Variants in PCDHA6 observed in about 807,000 individuals in gnomAD.
PCDHA6 encodes protocadherin alpha-6.
PCDHA6 carries 55 observed loss-of-function variants against 60.3 expected under a neutral mutation model. The observed-to-expected ratio is 0.91, with a 90% CI of 0.73 to 1.14. The LOEUF (loss-of-function observed/expected upper bound fraction) is 1.14, where lower values mean the gene tolerates loss of function less well. Among genes scored for constraint, PCDHA6 ranks in the 50% most tolerant of loss-of-function variants. The pLI, the probability that PCDHA6 is intolerant of heterozygous loss-of-function variation, is 0.00. For missense variants in PCDHA6, 1,327 were observed against 1,256.5 expected (o/e 1.06, Z -0.85); for synonymous variants, 652 against 557.9 (o/e 1.17, Z -2.38).
At chr5:140,962,786 A>G (rs1377248587) in intron 1 of PCDHA6, among the ~76,000 whole-genome samples, 6 of 152,216 alleles carry the variant, frequency 3.9e-5, no homozygotes, top group African/African-American at 1.4e-4. Context: ...ATTTTTAAAA[A>G]CTACTTTGGA....
rs146340581 is a variant in PCDHA6, at chr5:140,957,263, C to T, written c.2395-21686C>T. On this transcript the variant is annotated intron_variant, in intron 1 of 3. Transcript: ENST00000529310. ...TCTACCTAAAATTTAAATATGTAAG[C>T]ACTAGTCCCCCCTTACCTGCAGTTT... Among the ~76,000 whole-genome samples, 73 of 152,260 alleles carry T rather than the reference C, an allele frequency of 4.8e-4. No homozygotes were observed. In the East Asian group the frequency reaches 0.01, roughly 22 times the overall value.
At chr5:140,972,917 C>T (rs1279060017) in intron 1 of PCDHA6, among the ~76,000 whole-genome samples, 1 of 152,074 alleles carries the variant, frequency 6.6e-6, no homozygotes, top group Non-Finnish European at 1.5e-5. Context: ...CCGCCTTGGC[C>T]TCCCAAAGTG....
intron 2 of PCDHA6, chr5:140,982,263 C>A: frequency 1.2e-6 from 1 of 858,968 alleles, no homozygotes; most frequent in Non-Finnish European, 1.7e-6. Flanking sequence ...ATGTGTGTTC[C>A]TGGAATAGTA....
intron 1 of PCDHA6, among the ~76,000 whole-genome samples, chr5:140,932,779 G>T (rs556279743): frequency 3.9e-5 from 6 of 151,910 alleles, no homozygotes; most frequent in Non-Finnish European, 8.9e-5. Context: ...TAATTTGAGT[G>T]GACATAAGAG....
Position 141,009,639 on chromosome 5 carries a change from G to A in PCDHA6, c.2555G>A (p.Gly852Glu). The stretch of plus-strand genomic sequence containing the variant: ...TTTTGTCTTTCAGAACCAGAGGCAG[G>A]AGAAGTGTCCCCTCCAGTCGGTGCG... ...VSSATPEPEA[G>E]EVSPPVGAGV... The change falls in exon 4 of 4, where the codon GGA becomes GAA. Residue 852 changes from glycine to glutamate, a missense_variant. Transcript: ENST00000529310. The A allele has an allele frequency of 6.2e-7, 1 of 1,613,406 alleles. No individual in the cohort carries two copies. The highest frequency in any genetic ancestry group is 8.5e-7 in the Non-Finnish European group (1 of 1,179,594).
intron 3 of PCDHA6, among the ~76,000 whole-genome samples, chr5:140,996,580 C>T (rs1351485354): frequency 6.6e-6 from 1 of 152,130 alleles, no homozygotes; most frequent in African/African-American, 2.4e-5. Context: ...AATTTGTTAA[C>T]AAGGGCCGCC....
At chr5:140,869,531 C>A (rs782191099) in intron 1 of PCDHA6, 11 of 1,614,032 alleles carry the variant, frequency 6.8e-6, no homozygotes, top group African/African-American at 2.7e-5. Flanking sequence ...CTGCTGATTG[C>A]GGAATCTAAG....
At chr5:140,842,644 G>C in intron 1 of PCDHA6, 1 of 1,595,462 alleles carries the variant, frequency 6.3e-7, no homozygotes, top group African/African-American at 1.3e-5. Context: ...CCGCCAGCTT[G>C]TCTGTGGAGG....
chr5:141,009,772 C>T lies in PCDHA6; in HGVS notation c.2688C>T (p.Ile896=). The T allele has an allele frequency of 1.9e-6, 3 of 1,614,158 alleles. No individual in the cohort carries two copies. Among genetic ancestry groups the T allele is most frequent in the Non-Finnish European group, 2.5e-6 (3 of 1,180,032 alleles). The stretch of plus-strand genomic sequence containing the variant: ...TCATTATCCCAGGATCTCCTGCAAT[C>T]ATCTCCATCCGGCAGGAGCCTACTA... ...DKFIIPGSPA[I]ISIRQEPTNS... Residue 896 remains isoleucine (I), a synonymous_variant, in exon 4 of 4, where the codon ATC becomes ATT. Coordinates refer to ENST00000529310, the MANE Select transcript of PCDHA6 (RefSeq NM_018909.4).
chr5:140,928,007 ATGG>A (rs1183344805), intron 1 of PCDHA6: 2 of 1,613,998 alleles, frequency 1.2e-6, no homozygotes, highest in Non-Finnish European at 1.7e-6. Context: ...CTCGATTCTA[ATGG>A]TAGGGTCATT....
intron 1 of PCDHA6, among the ~76,000 whole-genome samples, chr5:140,899,116 T>C (rs563698448): frequency 6.6e-6 from 1 of 152,246 alleles, no homozygotes; most frequent in South Asian, 2.1e-4. Flanking sequence ...TTTCTAGATA[T>C]ACAATCATGT....
rs2150182095 is a variant in PCDHA6, at chr5:140,830,154, G to A, written c.2063G>A (p.Gly688Asp). The part of the protein sequence containing the change: ...ASSRASVGAA[G>D]PEAALVDVNV... ...TCACGGGCGTCGGTGGGCGCCGCGG[G>A]CCCAGAGGCGGCGCTGGTGGATGTC... Residue 688 changes from glycine to aspartate, a missense_variant, in exon 1 of 4, where the codon GGC (glycine) becomes GAC (aspartate). Physicochemically the swap from Gly to Asp is moderately conservative, Grantham distance 94 (BLOSUM62 -1). Transcript: ENST00000529310. The A allele has an allele frequency of 3.7e-6, 6 of 1,613,332 alleles. No individual in the cohort carries two copies. The highest frequency in any genetic ancestry group is 1.1e-5 in the South Asian group (1 of 91,054).
At chr5:140,934,100 T>C (rs554832439) in intron 1 of PCDHA6, among the ~76,000 whole-genome samples, 3 of 152,280 alleles carry the variant, frequency 2.0e-5, no homozygotes, top group Non-Finnish European at 4.4e-5. Context: ...GTTTGCTTTC[T>C]ATTTTATTAA....
chr5:140,906,252 C>T (rs1376694912), intron 1 of PCDHA6, among the ~76,000 whole-genome samples: 1 of 152,180 alleles, frequency 6.6e-6, no homozygotes, highest in Admixed American at 6.5e-5. Flanking sequence ...AACCCATACA[C>T]ACCTCCTGAA....
At chr5:140,904,570 G>T (rs1377408350) in intron 1 of PCDHA6, among the ~76,000 whole-genome samples, 1 of 151,378 alleles carries the variant, frequency 6.6e-6, no homozygotes, top group African/African-American at 2.4e-5. Context: ...TTTTCCTCTG[G>T]GTAGACACCC....
intron 1 of PCDHA6, among the ~76,000 whole-genome samples, chr5:140,976,934 C>T (rs995021593): frequency 1.3e-5 from 2 of 152,170 alleles, no homozygotes; most frequent in African/African-American, 2.4e-5. Context: ...TGTGTAGCTA[C>T]TTAAAACATA....
At chr5:140,922,386 T>G (rs1554200798) in intron 1 of PCDHA6, among the ~76,000 whole-genome samples, 1 of 152,194 alleles carries the variant, frequency 6.6e-6, no homozygotes, top group African/African-American at 2.4e-5. Context: ...AACCAAAGAC[T>G]CCTTGTTTTG....
At chr5:140,869,231 C>T (rs781820629) in intron 1 of PCDHA6, 29 of 1,613,712 alleles carry the variant, frequency 1.8e-5, no homozygotes, top group Non-Finnish European at 2.3e-5. Context: ...AAACACGGCA[C>T]CTTCGTGGGC....
chr5:140,858,489 C>A, intron 1 of PCDHA6: 1 of 1,498,912 alleles, frequency 6.7e-7, no homozygotes, highest in Non-Finnish European at 9.1e-7. Flanking sequence ...AATATTTTCT[C>A]TTACCGCATT....
Sources: allele counts gnomAD v4.1 joint callset (sites outside exome capture counted in the v4.1 genomes callset), GRCh38; gene constraint gnomAD v4.1.1; transcripts MANE v1.5; gene names NCBI Gene and HGNC (gene_info 2026-07-23, HGNC 2026-07-21).